Variants in PTPRN2 observed in about 807,000 individuals in gnomAD.
The protein encoded by PTPRN2 is receptor-type tyrosine-protein phosphatase N2.
Under a neutral mutation model 118.8 loss-of-function variants are expected in PTPRN2, and 74 were observed. That is an observed-to-expected ratio of 0.62 (90% CI 0.52 to 0.76). The LOEUF (loss-of-function observed/expected upper bound fraction) is 0.76, where lower values mean the gene tolerates loss of function less well. Ranked by LOEUF, PTPRN2 falls within the 30% of genes least tolerant of loss-of-function variation. PTPRN2 has a pLI of 0.00. For synonymous variants in PTPRN2, 641 were observed against 608.0 expected (o/e 1.05, Z -0.80); for missense variants, 1,481 against 1,394.4 (o/e 1.06, Z -0.99).
At chr7:158,319,617 A>T (rs1337442345) in intron 2 of PTPRN2, among the ~76,000 whole-genome samples, 1 of 42,966 alleles carries the variant, frequency 2.3e-5, no homozygotes, top group Non-Finnish European at 5.2e-5. Flanking sequence ...CCTTGTACAC[A>T]CACAGCCTCC....
At chr7:158,484,345 CTTATTTACTTAT>C (rs1053194059) in intron 2 of PTPRN2, among the ~76,000 whole-genome samples, 4 of 152,068 alleles carry the variant, frequency 2.6e-5, no homozygotes, top group African/African-American at 7.2e-5. Flanking sequence ...CTCTCCTGGA[CTTATTTACTTAT>C]TTATTTACTT....
At chr7:158,040,330 C>T (rs78880910) in intron 11 of PTPRN2, among the ~76,000 whole-genome samples, 17,778 of 152,106 alleles carry the variant, frequency 0.12, 1,216 homozygotes, top group South Asian at 0.25. Context: ...CAGATGCACA[C>T]ACACGGACAC....
intron 12 of PTPRN2, among the ~76,000 whole-genome samples, chr7:157,876,678 C>A (rs1795786256): frequency 6.6e-6 from 1 of 152,210 alleles, no homozygotes; most frequent in Admixed American, 6.5e-5. Flanking sequence ...AGAGGCCGCA[C>A]TGCACCCCAA....
chr7:158,214,023 C>A (rs1384959105), intron 3 of PTPRN2, among the ~76,000 whole-genome samples: 1 of 152,032 alleles, frequency 6.6e-6, no homozygotes, highest in African/African-American at 2.4e-5. Flanking sequence ...TCTGAGAGGA[C>A]CCTGTATACC....
chr7:158,307,905 G>A (rs1012556883), intron 3 of PTPRN2, among the ~76,000 whole-genome samples: 1 of 152,098 alleles, frequency 6.6e-6, no homozygotes, highest in Non-Finnish European at 1.5e-5. Context: ...AGAAGAGGAA[G>A]GGAGACCTGA....
intron 11 of PTPRN2, among the ~76,000 whole-genome samples, chr7:157,923,420 G>C (rs1798799282): frequency 1.3e-5 from 2 of 152,206 alleles, no homozygotes; most frequent in African/African-American, 4.8e-5. Context: ...CCTGCGCGCT[G>C]GCCTGTGGAG....
intron 12 of PTPRN2, among the ~76,000 whole-genome samples, chr7:157,721,818 G>A (rs781534483): frequency 3.9e-5 from 6 of 152,200 alleles, no homozygotes; most frequent in South Asian, 2.1e-4. Context: ...TGGGGCTCCC[G>A]CTGGAGGATG....
At chr7:157,955,386 G>A (rs1029957567) in intron 11 of PTPRN2, among the ~76,000 whole-genome samples, 5 of 151,890 alleles carry the variant, frequency 3.3e-5, no homozygotes, top group East Asian at 1.9e-4. Flanking sequence ...ATGCTGAGCC[G>A]GGCTCACATC....
chr7:158,316,978 CAG>C, intron 2 of PTPRN2, 46 bp from the exon 3 acceptor site: 2 of 1,455,006 alleles, frequency 1.4e-6, no homozygotes, highest in Non-Finnish European at 1.9e-6. Context: ...GTTTCATTTT[CAG>C]AGAGCAGGAA....
chr7:157,581,255 G>A (rs1451173248), intron 17 of PTPRN2, among the ~76,000 whole-genome samples: 1 of 152,222 alleles, frequency 6.6e-6, no homozygotes, highest in Non-Finnish European at 1.5e-5. Flanking sequence ...GCTGGATCCC[G>A]AGTGTGAACG....
At chr7:157,559,051 G>A (rs923695213) in intron 21 of PTPRN2, among the ~76,000 whole-genome samples, 4 of 152,210 alleles carry the variant, frequency 2.6e-5, no homozygotes, top group Non-Finnish European at 5.9e-5. Flanking sequence ...CTTCCCACAC[G>A]CACGTTCTGT....
intron 2 of PTPRN2, among the ~76,000 whole-genome samples, chr7:158,426,010 C>G (rs2129426125): frequency 1.9e-5 from 1 of 53,550 alleles, no homozygotes; most frequent in South Asian, 8.4e-4. Flanking sequence ...GGGAAAGACG[C>G]AGAGTCCGAG....
intron 1 of PTPRN2, among the ~76,000 whole-genome samples, chr7:158,502,032 G>GCAC (rs1210612990): frequency 2.0e-5 from 3 of 152,116 alleles, no homozygotes; most frequent in Admixed American, 1.3e-4. Flanking sequence ...GGAGTAAAAC[G>GCAC]CACCATCCTC....
At chr7:157,840,024 GTGTGTGAC>G (rs1303911349) in intron 12 of PTPRN2, among the ~76,000 whole-genome samples, 1 of 151,130 alleles carries the variant, frequency 6.6e-6, no homozygotes, top group Non-Finnish European at 1.5e-5. Flanking sequence ...CTGTGTGACT[GTGTGTGAC>G]TGTGTGACCA....
intron 1 of PTPRN2, chr7:158,541,586 A>C: frequency 7.4e-7 from 1 of 1,351,814 alleles, no homozygotes; most frequent in Non-Finnish European, 9.8e-7. Context: ...TCAGCAGTGA[A>C]TATTCAGATT....
At chr7:158,162,448 C>T (rs766337132) in intron 6 of PTPRN2, among the ~76,000 whole-genome samples, 11 of 152,096 alleles carry the variant, frequency 7.2e-5, no homozygotes, top group Non-Finnish European at 1.5e-4. Flanking sequence ...AATGAGCCAT[C>T]GAGCCATGAA....
chr7:158,385,968 CCCCTCCTCCCTCCTCCCATGCCCTGAGT>C (rs764134408), intron 2 of PTPRN2, among the ~76,000 whole-genome samples: 15 of 147,196 alleles, frequency 1.0e-4, no homozygotes, highest in Non-Finnish European at 1.7e-4. Flanking sequence ...TATTTCTGTG[CCCCTCCTCCCTCCTCCCATGCCCTGAGT>C]CCCTCCTCCC....
intron 6 of PTPRN2, among the ~76,000 whole-genome samples, chr7:158,150,751 C>G (rs981187428): frequency 1.3e-5 from 2 of 151,952 alleles, no homozygotes; most frequent in African/African-American, 4.8e-5. Context: ...CTTTCCTGGT[C>G]TGTGAGACGC....
intron 2 of PTPRN2, among the ~76,000 whole-genome samples, chr7:158,422,796 G>A (rs1235156155): frequency 6.6e-6 from 1 of 152,216 alleles, no homozygotes; most frequent in East Asian, 1.9e-4. Flanking sequence ...TGACACTGCC[G>A]GCTTCTGGGG....
Sources: allele counts gnomAD v4.1 joint callset (sites outside exome capture counted in the v4.1 genomes callset), GRCh38; gene constraint gnomAD v4.1.1; transcripts MANE v1.5; gene names NCBI Gene and HGNC (gene_info 2026-07-23, HGNC 2026-07-21).